SORCS3: variants seen among roughly 807,000 people sequenced by gnomAD.
The protein encoded by SORCS3 is sortilin related VPS10 domain containing receptor 3.
In SORCS3, 57 loss-of-function variants were observed where a neutral mutation model predicts 146.3. The ratio of observed to expected loss-of-function variants is 0.39; its 90% CI spans 0.31 to 0.49. The LOEUF (loss-of-function observed/expected upper bound fraction) is 0.49. Ranked by LOEUF, SORCS3 falls within the 20% of genes least tolerant of loss-of-function variation. The pLI is 0.92. For missense variants in SORCS3, 1,341 were observed against 1,575.5 expected, an observed-to-expected ratio of 0.85 and a Z score of 2.52; for synonymous variants, 653 against 618.5, an observed-to-expected ratio of 1.06 and a Z score of -0.83.
intron 5 of SORCS3, among the ~76,000 whole-genome samples, chr10:105,079,194 A>T (rs1456248947): frequency 6.6e-6 from 1 of 152,220 alleles, no homozygotes; most frequent in African/African-American, 2.4e-5. Flanking sequence ...CCACCAGAAG[A>T]TTCTGATGCT....
At chr10:104,739,151 G>T (rs1451176463) in intron 1 of SORCS3, among the ~76,000 whole-genome samples, 1 of 152,158 alleles carries the variant, frequency 6.6e-6, no homozygotes, top group East Asian at 1.9e-4. Flanking sequence ...TGTCTCTGCT[G>T]CCAGCTGCCT....
intron 20 of SORCS3, among the ~76,000 whole-genome samples, chr10:105,230,283 A>G (rs867328147): frequency 2.0e-5 from 3 of 151,968 alleles, no homozygotes; most frequent in Middle Eastern, 3.2e-3. Context: ...GCTGTGGTAG[A>G]CAGTGGTAGG....
chr10:105,006,045 G>A (rs190369818), intron 4 of SORCS3, among the ~76,000 whole-genome samples: 48 of 152,242 alleles, frequency 3.2e-4, no homozygotes, highest in African/African-American at 1.1e-3. Context: ...GGGTTCAAGC[G>A]ATTCTCCTGC....
intron 2 of SORCS3, among the ~76,000 whole-genome samples, chr10:104,891,582 T>G (rs1207033261): frequency 6.6e-6 from 1 of 152,256 alleles, no homozygotes; most frequent in South Asian, 2.1e-4. Flanking sequence ...TTACTGTCTC[T>G]TAGGGATGCT....
chr10:104,962,575 A>C (rs1384388306), intron 3 of SORCS3, among the ~76,000 whole-genome samples: 1 of 151,920 alleles, frequency 6.6e-6, no homozygotes, highest in African/African-American at 2.4e-5. Context: ...TCACTACCCC[A>C]CCCTCATGAC....
intron 1 of SORCS3, among the ~76,000 whole-genome samples, chr10:104,760,865 C>T (rs1385322951): frequency 2.6e-5 from 4 of 151,580 alleles, no homozygotes; most frequent in Middle Eastern, 3.2e-3. Context: ...AAAATACATG[C>T]TCTTAACAAT....
At chr10:105,078,339 A>C (rs957993691) in intron 5 of SORCS3, among the ~76,000 whole-genome samples, 57 of 152,172 alleles carry the variant, frequency 3.7e-4, no homozygotes, top group African/African-American at 1.4e-3. Flanking sequence ...CAATTTAGTC[A>C]GATCTAGAGC....
intron 4 of SORCS3, among the ~76,000 whole-genome samples, chr10:105,040,350 G>T (rs191206566): frequency 6.6e-6 from 1 of 152,148 alleles, no homozygotes; most frequent in Non-Finnish European, 1.5e-5. Flanking sequence ...CAGACAAACA[G>T]TGTCCACCGC....
At chr10:105,039,449 C>T (rs1318893427) in intron 4 of SORCS3, among the ~76,000 whole-genome samples, 2 of 136,286 alleles carry the variant, frequency 1.5e-5, no homozygotes, top group East Asian at 2.1e-4. Context: ...CTCTCTCGCT[C>T]TCTTTTTTTT....
intron 25 of SORCS3, among the ~76,000 whole-genome samples, chr10:105,257,956 G>A (rs2056940816): frequency 6.6e-6 from 1 of 152,098 alleles, no homozygotes; most frequent in Non-Finnish European, 1.5e-5. Context: ...TGTCAGATGA[G>A]TTTGAAAGCC....
intron 3 of SORCS3, among the ~76,000 whole-genome samples, chr10:104,973,121 A>C (rs899520301): frequency 1.1e-4 from 16 of 152,068 alleles, no homozygotes; most frequent in Non-Finnish European, 1.8e-4. Flanking sequence ...GGATTTTTGC[A>C]TCAATGTTCA....
intron 2 of SORCS3, among the ~76,000 whole-genome samples, chr10:104,856,794 TATAA>T (rs1271038704): frequency 4.1e-5 from 6 of 144,726 alleles, no homozygotes; most frequent in Non-Finnish European, 6.0e-5. Flanking sequence ...TATTAGTATA[TATAA>T]ATATATATTA....
chr10:104,937,208 A>T (rs909913781), intron 3 of SORCS3, among the ~76,000 whole-genome samples: 3 of 152,212 alleles, frequency 2.0e-5, no homozygotes, highest in Non-Finnish European at 4.4e-5. Flanking sequence ...TCAGGCAGTA[A>T]TGTTGGCCTG....
intron 1 of SORCS3, among the ~76,000 whole-genome samples, chr10:104,691,150 G>A (rs1023349336): frequency 7.9e-5 from 12 of 152,200 alleles, no homozygotes; most frequent in Non-Finnish European, 1.6e-4. Context: ...AGGCTGAAGA[G>A]CTCTAGCACC....
intron 3 of SORCS3, among the ~76,000 whole-genome samples, chr10:104,954,758 T>TGGC (rs2019469223): frequency 6.6e-6 from 1 of 152,312 alleles, no homozygotes; most frequent in African/African-American, 2.4e-5. Flanking sequence ...CTGGTGGTGG[T>TGGC]GGCCCGTGCT....
intron 16 of SORCS3, among the ~76,000 whole-genome samples, chr10:105,208,776 G>A (rs922996748): frequency 1.3e-5 from 2 of 151,974 alleles, no homozygotes; most frequent in Non-Finnish European, 2.9e-5. Flanking sequence ...TAATTAGCTT[G>A]CAAAATTTCT....
intron 3 of SORCS3, among the ~76,000 whole-genome samples, chr10:104,933,504 A>T (rs913091565): frequency 2.0e-5 from 3 of 152,088 alleles, no homozygotes; most frequent in Non-Finnish European, 4.4e-5. Flanking sequence ...GGGGAGACAG[A>T]GTGGGGCCCA....
At chr10:105,111,997 G>A (rs115758176) in intron 7 of SORCS3, among the ~76,000 whole-genome samples, 3 of 152,280 alleles carry the variant, frequency 2.0e-5, no homozygotes, top group Non-Finnish European at 2.9e-5. Context: ...AAAGAAGTTG[G>A]AAAATTGAAC....
intron 1 of SORCS3, among the ~76,000 whole-genome samples, chr10:104,696,574 A>T (rs865853239): frequency 1.2e-4 from 2 of 16,292 alleles, no homozygotes; most frequent in Non-Finnish European, 2.4e-4. Context: ...TACGTATATA[A>T]TATATAATAT....
Sources: gnomAD v4.1 joint callset for allele counts (sites outside exome capture counted in the v4.1 genomes callset) on GRCh38, gnomAD v4.1.1 for gene constraint, MANE v1.5 for transcripts, NCBI Gene and HGNC (gene_info 2026-07-23, HGNC 2026-07-21) for gene names.